The following ZNF804B variants were observed in gnomAD, a reference collection of about 807,000 sequenced individuals.
ZNF804B encodes zinc finger protein 804B.
Under a neutral mutation model 101.4 loss-of-function variants are expected in ZNF804B, and 80 were observed. The ratio of observed to expected loss-of-function variants is 0.79; its 90% CI spans 0.66 to 0.95. ZNF804B has a LOEUF of 0.95. ZNF804B is among the 40% of genes least tolerant of loss of function. The probability of loss-of-function intolerance (pLI) is 0.00; values close to 1 mark genes in which losing one functional copy is unlikely to be tolerated. For missense variants in ZNF804B, 1,673 were observed against 1,561.9 expected, an observed-to-expected ratio of 1.07 and a Z score of -1.20; for synonymous variants, 622 against 558.8, an observed-to-expected ratio of 1.11 and a Z score of -1.59.
intron 1 of ZNF804B, among the ~76,000 whole-genome samples, chr7:89,214,319 T>C (rs1439767119): frequency 6.6e-6 from 1 of 152,180 alleles, no homozygotes; most frequent in African/African-American, 2.4e-5. Flanking sequence ...TTTCAAAACC[T>C]CTTCCTCTAG....
intron 1 of ZNF804B, among the ~76,000 whole-genome samples, chr7:88,790,528 T>G (rs1244097240): frequency 6.6e-6 from 1 of 152,086 alleles, no homozygotes; most frequent in Non-Finnish European, 1.5e-5. Context: ...AGGTATTTGG[T>G]TTTCTGTTCC....
At chr7:89,274,074 C>T (rs1238331064) in intron 2 of ZNF804B, among the ~76,000 whole-genome samples, 3 of 152,000 alleles carry the variant, frequency 2.0e-5, no homozygotes, top group South Asian at 4.1e-4. Flanking sequence ...ATGACTATTC[C>T]ACAACCTCTC....
intron 2 of ZNF804B, among the ~76,000 whole-genome samples, chr7:89,251,364 A>G (rs1373087269): frequency 6.6e-6 from 1 of 152,186 alleles, no homozygotes; most frequent in Non-Finnish European, 1.5e-5. Flanking sequence ...CAAAAAACAA[A>G]TTAAAAAACA....
At chr7:88,776,581 T>TTC (rs1358606049) in intron 1 of ZNF804B, among the ~76,000 whole-genome samples, 1 of 147,728 alleles carries the variant, frequency 6.8e-6, no homozygotes, top group Non-Finnish European at 1.5e-5. Context: ...TTTTTTTTTT[T>TTC]CAGAGCAAAT....
intron 1 of ZNF804B, among the ~76,000 whole-genome samples, chr7:88,881,879 A>T (rs1792048441): frequency 6.6e-6 from 1 of 152,330 alleles, no homozygotes; most frequent in South Asian, 2.1e-4. Flanking sequence ...GGCCAAGTAA[A>T]TGAACAACTG....
chr7:89,289,912 C>A (rs1163475971), intron 2 of ZNF804B, among the ~76,000 whole-genome samples: 1 of 152,188 alleles, frequency 6.6e-6, no homozygotes. Flanking sequence ...ATCCCTTTCC[C>A]AATCCCAGGC....
chr7:89,239,801 T>TTA (rs35773657), intron 2 of ZNF804B, among the ~76,000 whole-genome samples: 25,236 of 149,890 alleles, frequency 0.17, 2,726 homozygotes, highest in African/African-American at 0.3. Context: ...TCATTTTTCT[T>TTA]TATATATATA....
intron 1 of ZNF804B, among the ~76,000 whole-genome samples, chr7:89,097,029 A>G (rs1217498149): frequency 6.6e-6 from 1 of 152,156 alleles, no homozygotes; most frequent in Non-Finnish European, 1.5e-5. Flanking sequence ...TTTCAGTTCC[A>G]GGGCTAACTT....
chr7:88,926,784 G>C (rs1792806395), intron 1 of ZNF804B, among the ~76,000 whole-genome samples: 1 of 152,082 alleles, frequency 6.6e-6, no homozygotes, highest in African/African-American at 2.4e-5. Flanking sequence ...CCAGCTGCTA[G>C]GTGATTTTCC....
chr7:88,855,350 G>A lies in ZNF804B; in HGVS notation c.108+95266G>A, dbSNP rs527500044. Among the ~76,000 whole-genome samples, 997 of 148,354 alleles carry A rather than the reference G, an allele frequency of 6.7e-3. 6 individuals carry two copies. The highest frequency in any genetic ancestry group is 0.022 in the African/African-American group (906 of 40,580). ...GGTTTTGATTTGCATTTCTCTGATGGCCAGTGATGATGAGCATTTTTTCAT... is the reference window on the plus strand; with the variant it reads ...GGTTTTGATTTGCATTTCTCTGATGACCAGTGATGATGAGCATTTTTTCAT... On this transcript the variant is annotated intron_variant, in intron 1 of 3. Coordinates refer to ENST00000333190, the MANE Select transcript of ZNF804B (RefSeq NM_181646.5).
At position 88,945,583 on chromosome 7, in the gene ZNF804B, G is replaced by A. The variant is rs539477253; in HGVS notation, c.108+185499G>A. On this transcript the variant is annotated intron_variant, in intron 1 of 3. Transcript: ENST00000333190. Reference sequence around the variant, plus strand: ...GCCTTGGCTATATGGGCTCTGTTTTGGTTCCATATGAAATTTAAAGTAGTT... The same window carrying A: ...GCCTTGGCTATATGGGCTCTGTTTTAGTTCCATATGAAATTTAAAGTAGTT... 3.9e-5 allele frequency among the ~76,000 whole-genome samples: 5 copies of A among 129,348 alleles called. No homozygotes were observed. In the East Asian group the frequency reaches 1.0e-3, roughly 26 times the overall value. 84.9% of individuals were successfully genotyped at this position (129,348 alleles called of 152,430 possible). A position where few individuals can be genotyped will look rare whatever the true frequency, so the allele number is the denominator to read the frequency against.
chr7:89,057,910 T>A (rs1789321786), intron 1 of ZNF804B, among the ~76,000 whole-genome samples: 1 of 152,072 alleles, frequency 6.6e-6, no homozygotes, highest in African/African-American at 2.4e-5. Flanking sequence ...AAGAAGTACA[T>A]CATTATTACA....
At chr7:89,199,366 A>G (rs1196624844) in intron 1 of ZNF804B, among the ~76,000 whole-genome samples, 1 of 152,086 alleles carries the variant, frequency 6.6e-6, no homozygotes, top group East Asian at 1.9e-4. Context: ...TTATTACAGT[A>G]CAGCACATTC....
chr7:89,327,205 C>T (rs552019809), intron 2 of ZNF804B, 139 bp from the exon 3 acceptor site: 23 of 715,738 alleles, frequency 3.2e-5, no homozygotes, highest in African/African-American at 3.2e-4. Flanking sequence ...AGAATAGCAA[C>T]AATGGAGAAG....
Position 89,333,701 on chromosome 7 carries a change from A to G in ZNF804B, c.719A>G (p.Glu240Gly). The stretch of plus-strand genomic sequence containing the variant: ...GAATCTTCAGCATCAGTTTTCAGTG[A>G]GAACACAGAAGAAACCCATGATTGT... ...KLESSASVFS[E>G]NTEETHDCNK... The change falls in exon 4 of 4, where the codon GAG (glutamate) becomes GGG (glycine). Residue 240 changes from glutamate to glycine, a missense_variant. Coordinates refer to ENST00000333190, the MANE Select transcript of ZNF804B (RefSeq NM_181646.5). 1 of 1,613,522 alleles carries G rather than the reference A, an allele frequency of 6.2e-7. No homozygotes were observed. Among genetic ancestry groups the G allele is most frequent in the Non-Finnish European group, 8.5e-7 (1 of 1,179,726 alleles).
At chr7:88,837,055 A>C (rs752023567) in intron 1 of ZNF804B, among the ~76,000 whole-genome samples, 2 of 152,008 alleles carry the variant, frequency 1.3e-5, no homozygotes, top group Non-Finnish European at 2.9e-5. Context: ...GGAAGTCCTC[A>C]TAAAGTTTTT....
intron 1 of ZNF804B, among the ~76,000 whole-genome samples, chr7:88,866,773 G>C (rs930067068): frequency 6.6e-6 from 1 of 152,046 alleles, no homozygotes; most frequent in African/African-American, 2.4e-5. Flanking sequence ...CAAGGTTTAG[G>C]GTGATTTGTT....
intron 1 of ZNF804B, among the ~76,000 whole-genome samples, chr7:88,845,295 G>GCACACA (rs1260085679): frequency 3.9e-5 from 4 of 101,312 alleles, no homozygotes. Context: ...GCGCGCGCAC[G>GCACACA]CGCGCGCACA....
At chr7:89,251,774 T>C (rs1350793599) in intron 2 of ZNF804B, among the ~76,000 whole-genome samples, 2 of 152,118 alleles carry the variant, frequency 1.3e-5, no homozygotes, top group African/African-American at 4.8e-5. Context: ...AACCATCTGA[T>C]CTTTGACAAG....
Sources: allele counts gnomAD v4.1 joint callset (sites outside exome capture counted in the v4.1 genomes callset), GRCh38; gene constraint gnomAD v4.1.1; transcripts MANE v1.5; gene names NCBI Gene and HGNC (gene_info 2026-07-23, HGNC 2026-07-21).